The following STK32B variants were observed in gnomAD, a reference collection of about 807,000 sequenced individuals.
STK32B encodes serine/threonine kinase 32B.
Under a neutral mutation model 52.6 loss-of-function variants are expected in STK32B, and 43 were observed. The ratio of observed to expected loss-of-function variants is 0.82; its 90% CI spans 0.64 to 1.05. The LOEUF is 1.05. Among genes scored for constraint, STK32B ranks in the 50% least tolerant of loss-of-function variants. The pLI is 0.00. For synonymous variants in STK32B, 238 were observed against 204.3 expected (o/e 1.17, Z -1.41); for missense variants, 621 against 534.6 (o/e 1.16, Z -1.59).
intron 8 of STK32B, 56 bp downstream of exon 8, chr4:5,456,979 A>G (rs1716588306): frequency 8.6e-6 from 11 of 1,279,940 alleles, no homozygotes; most frequent in Non-Finnish European, 1.2e-5. Context: ...GTGTAGAAAC[A>G]GCCATATCAG....
intron 3 of STK32B, among the ~76,000 whole-genome samples, chr4:5,316,920 A>C (rs1275446897): frequency 1.1e-4 from 2 of 17,620 alleles, no homozygotes; most frequent in African/African-American, 8.6e-4. Flanking sequence ...TATATGATAT[A>C]ATATATATAA....
At chr4:5,198,127 G>C (rs568268765) in intron 3 of STK32B, among the ~76,000 whole-genome samples, 1 of 152,062 alleles carries the variant, frequency 6.6e-6, no homozygotes, top group African/African-American at 2.4e-5. Flanking sequence ...TCTATATAAA[G>C]TGAGGGCATG....
At chr4:5,225,428 A>C (rs1020782470) in intron 3 of STK32B, among the ~76,000 whole-genome samples, 4 of 152,164 alleles carry the variant, frequency 2.6e-5, no homozygotes, top group Non-Finnish European at 2.9e-5. Flanking sequence ...AAATAAAATA[A>C]AACAACTAAA....
At chr4:5,483,715 G>T (rs868713686) in intron 11 of STK32B, among the ~76,000 whole-genome samples, 2 of 151,900 alleles carry the variant, frequency 1.3e-5, no homozygotes, top group South Asian at 4.2e-4. Flanking sequence ...GCTTTCTCTT[G>T]TGGACATTTA....
chr4:5,379,410 T>C (rs990867694), intron 4 of STK32B, among the ~76,000 whole-genome samples: 2 of 151,978 alleles, frequency 1.3e-5, no homozygotes, highest in Non-Finnish European at 2.9e-5. Context: ...CCCCAGGAGG[T>C]GTCCAGAGCA....
chr4:5,466,864 G>A, intron 10 of STK32B, 30 bp downstream of exon 10: 2 of 1,605,972 alleles, frequency 1.2e-6, no homozygotes, highest in East Asian at 4.5e-5. Context: ...CGTTCCGGGA[G>A]AGAAATCCTG....
chr4:5,287,656 A>G lies in STK32B; in HGVS notation c.261-43564A>G, dbSNP rs138632375. Among the ~76,000 whole-genome samples the G allele has an allele frequency of 3.9e-3, 585 of 151,712 alleles. 4 individuals are homozygous for G. Among genetic ancestry groups the G allele is most frequent in the African/African-American group, 0.013 (548 of 41,046 alleles). ...AAGACCTTTTATGTACATGTAAATA[A>G]TACATATGGTATTTTCCCCTTTTTA... On this transcript the variant is annotated intron_variant, in intron 3 of 11. Coordinates refer to ENST00000282908, the MANE Select transcript of STK32B (RefSeq NM_018401.3).
At chr4:5,434,454 G>GTATATATATATA (rs5855854) in intron 6 of STK32B, among the ~76,000 whole-genome samples, 20 of 131,254 alleles carry the variant, frequency 1.5e-4, no homozygotes, top group South Asian at 1.0e-3. Flanking sequence ...GTGTGTGTGT[G>GTATATATATATA]TATATATATA....
intron 2 of STK32B, among the ~76,000 whole-genome samples, chr4:5,143,604 C>T (rs1560174773): frequency 6.6e-6 from 1 of 152,162 alleles, no homozygotes; most frequent in African/African-American, 2.4e-5. Context: ...AAACAGATCT[C>T]AGGACCAGTT....
At chr4:5,143,955 G>A (rs1438179013) in intron 2 of STK32B, among the ~76,000 whole-genome samples, 1 of 152,190 alleles carries the variant, frequency 6.6e-6, no homozygotes, top group Non-Finnish European at 1.5e-5. Flanking sequence ...CTTGAAGCAA[G>A]TTCACCATCT....
chr4:5,404,165 G>C (rs1263077136), intron 5 of STK32B, among the ~76,000 whole-genome samples: 1 of 152,034 alleles, frequency 6.6e-6, no homozygotes. Context: ...CAACTGACAG[G>C]CTTAAGCAAC....
the STK32B span, among the ~76,000 whole-genome samples, chr4:5,031,847 T>G: frequency 6.6e-6 from 1 of 152,078 alleles, no homozygotes; most frequent in African/African-American, 2.4e-5. Context: ...GGTGTGAGGA[T>G]TTAAGTGGAG....
At chr4:5,363,122 TC>T (rs1734655756) in intron 4 of STK32B, among the ~76,000 whole-genome samples, 2 of 152,210 alleles carry the variant, frequency 1.3e-5, no homozygotes, top group Admixed American at 6.5e-5. Flanking sequence ...GTTCTCATCA[TC>T]AATATATCCC....
chr4:5,350,567 A>T (rs1351662925), intron 4 of STK32B, among the ~76,000 whole-genome samples: 3 of 152,148 alleles, frequency 2.0e-5, no homozygotes, highest in Non-Finnish European at 2.9e-5. Flanking sequence ...ATAAACAATA[A>T]AATAGGAACA....
chr4:5,462,539 G>T (rs1422795054), intron 9 of STK32B, among the ~76,000 whole-genome samples: 1 of 152,108 alleles, frequency 6.6e-6, no homozygotes, highest in Non-Finnish European at 1.5e-5. Context: ...AAAGTGAAAA[G>T]CACAGACCTT....
intron 9 of STK32B, among the ~76,000 whole-genome samples, chr4:5,464,476 C>T (rs1030741938): frequency 1.6e-4 from 25 of 152,296 alleles, no homozygotes; most frequent in East Asian, 3.9e-4. Flanking sequence ...CTGGGAGCTT[C>T]GGAGGGTGAG....
rs536828326 is a variant in STK32B at position 5,399,775 on chromosome 4, G to T, written c.472+1531G>T. On this transcript the variant is annotated intron_variant, in intron 5 of 11. Transcript: ENST00000282908. The surrounding 1 kb of genome is among the most constrained non-coding windows in gnomAD (Gnocchi z 5.4). ...TGCAGGGTGGTGAATGTCTCATCTC[G>T]GGTGAGACTCGAAGGTCAGCCACCC... Among the ~76,000 whole-genome samples, 4 of 152,222 alleles carry T rather than the reference G, an allele frequency of 2.6e-5. No individual in the cohort carries two copies. The East Asian group carries it at 7.8e-4, about 30-fold the overall frequency.
chr4:5,496,194 A>C (rs941422261), intron 11 of STK32B, among the ~76,000 whole-genome samples: 12 of 152,236 alleles, frequency 7.9e-5, no homozygotes, highest in African/African-American at 2.2e-4. Flanking sequence ...GAGCCTACAG[A>C]GGCAGGCAAG....
intron 2 of STK32B, among the ~76,000 whole-genome samples, chr4:5,152,669 A>G (rs544222248): frequency 1.4e-4 from 21 of 152,376 alleles, no homozygotes; most frequent in African/African-American, 3.6e-4. Flanking sequence ...TCATTCGGTG[A>G]CAGTGGAGGG....
Sources: allele counts gnomAD v4.1 joint callset (sites outside exome capture counted in the v4.1 genomes callset), GRCh38; gene constraint gnomAD v4.1.1; non-coding constraint Gnocchi (gnomAD v3.1); transcripts MANE v1.5; gene names NCBI Gene and HGNC (gene_info 2026-07-23, HGNC 2026-07-21).